Variants in SPATA18 observed in about 807,000 individuals in gnomAD.
SPATA18 encodes mitochondria-eating protein.
A neutral mutation model predicts 68.1 loss-of-function variants in SPATA18; 54 were observed. The observed-to-expected ratio is 0.79, with a 90% confidence interval of 0.64 to 0.99. The LOEUF (loss-of-function observed/expected upper bound fraction) is 0.99. SPATA18 is among the 50% of genes least tolerant of loss of function. The pLI is 0.00. For synonymous variants in SPATA18, 242 were observed against 244.8 expected (o/e 0.99, Z 0.11); for missense variants, 724 against 681.1 (o/e 1.06, Z -0.70).
At chr4:52,052,492 CA>C (rs1737983540) in intron 1 of SPATA18, among the ~76,000 whole-genome samples, 1 of 152,160 alleles carries the variant, frequency 6.6e-6, no homozygotes, top group South Asian at 2.1e-4. Flanking sequence ...CCCCTTCCCC[CA>C]AATAGAACGG....
intron 6 of SPATA18, among the ~76,000 whole-genome samples, chr4:52,074,257 C>A (rs1452830017): frequency 1.3e-5 from 2 of 152,128 alleles, no homozygotes; most frequent in African/African-American, 4.8e-5. Context: ...AAAGCCAAAG[C>A]TTTAAAGGAG....
intron 4 of SPATA18, among the ~76,000 whole-genome samples, chr4:52,062,609 C>T (rs915349944): frequency 6.6e-6 from 1 of 151,838 alleles, no homozygotes; most frequent in South Asian, 2.1e-4. Flanking sequence ...TCTTCATAGG[C>T]ACATCATCAG....
At chr4:52,053,353 C>G (rs1434614173) in intron 1 of SPATA18, among the ~76,000 whole-genome samples, 1 of 152,156 alleles carries the variant, frequency 6.6e-6, no homozygotes, top group African/African-American at 2.4e-5. Context: ...AGAGGCTGCA[C>G]TCACAGCCAC....
chr4:52,062,960 G>A (rs2109426558), intron 4 of SPATA18, among the ~76,000 whole-genome samples: 1 of 152,322 alleles, frequency 6.6e-6, no homozygotes, highest in East Asian at 1.9e-4. Flanking sequence ...GTTGTGGGCA[G>A]AGCCAGGGTA....
intron 5 of SPATA18, among the ~76,000 whole-genome samples, chr4:52,070,817 T>TA (rs772483307): frequency 1.3e-5 from 2 of 151,520 alleles, no homozygotes; most frequent in East Asian, 1.9e-4. Context: ...AGCAATCTCA[T>TA]AAAAAAATAA....
intron 9 of SPATA18, among the ~76,000 whole-genome samples, chr4:52,080,437 G>GA (rs1374912528): frequency 5.9e-5 from 9 of 152,116 alleles, no homozygotes; most frequent in African/African-American, 1.9e-4. Flanking sequence ...CTTTTGTCTA[G>GA]GACCAATAGA....
At chr4:52,084,686 T>G (rs779901381) in intron 10 of SPATA18, among the ~76,000 whole-genome samples, 4 of 152,222 alleles carry the variant, frequency 2.6e-5, no homozygotes, top group Non-Finnish European at 5.9e-5. Context: ...CACCAGAATA[T>G]CCCAAGGTTC....
At position 52,096,048 on chromosome 4, in the gene SPATA18, G is replaced by C. The variant is rs1742393049; in HGVS notation, c.*1161G>C. The stretch of plus-strand genomic sequence containing the variant: ...CTCAGCTCAGTTTTGCATAAGCTTA[G>C]TGCCAGAACCAGCACCTGATGCTTT... On this transcript the variant is annotated 3_prime_UTR_variant, in exon 13 of 13. Coordinates refer to ENST00000295213, the MANE Select transcript of SPATA18 (RefSeq NM_145263.4). 6.6e-6 allele frequency: 1 copy of C among 152,086 alleles called. No homozygotes were observed. Among genetic ancestry groups the C allele is most frequent in the Non-Finnish European group, 1.5e-5 (1 of 68,042 alleles). 9.4% of individuals were successfully genotyped at this position (152,086 alleles called of 1,614,324 possible).
chr4:52,063,021 G>A (rs1341531403), intron 4 of SPATA18, among the ~76,000 whole-genome samples: 2 of 152,186 alleles, frequency 1.3e-5, no homozygotes, highest in African/African-American at 4.8e-5. Context: ...CTTTGGGTTT[G>A]TACTTGAGGC....
intron 1 of SPATA18, among the ~76,000 whole-genome samples, chr4:52,056,163 C>T (rs575380606): frequency 6.6e-6 from 1 of 152,222 alleles, no homozygotes; most frequent in Admixed American, 6.5e-5. Flanking sequence ...TCACTCTTTC[C>T]TCTCCCTGGT....
rs1199618535 is a variant in SPATA18 at position 52,076,987 on chromosome 4, C to T, written c.967C>T (p.Arg323Cys). The T allele has an allele frequency of 4.3e-6, 7 of 1,613,188 alleles. No individual in the cohort carries two copies. Among genetic ancestry groups the T allele is most frequent in the Non-Finnish European group, 5.9e-6 (7 of 1,179,618 alleles). ...CCTGGACGCGCAGTGCCTGCTGCGG[C>T]GCTGCATCGACAAGGCTGAGACCGT... ...ARLDAQCLLR[R>C]CIDKAETVQR... is the part of the protein sequence containing the mutation. The change falls in exon 7 of 13, where the codon CGC becomes TGC. Residue 323 changes from arginine to cysteine, a missense_variant. By Grantham distance (180) the Arg-to-Cys change is radical. Coordinates refer to ENST00000295213, the MANE Select transcript of SPATA18 (RefSeq NM_145263.4).
intron 9 of SPATA18, among the ~76,000 whole-genome samples, chr4:52,080,457 A>G (rs1357051220): frequency 1.3e-5 from 2 of 152,208 alleles, no homozygotes; most frequent in Non-Finnish European, 2.9e-5. Flanking sequence ...ATTGCTACCA[A>G]CTTTTACAGG....
chr4:52,051,933 C>A, intron 1 of SPATA18, 142 bp downstream of exon 1: 6 of 740,422 alleles, frequency 8.1e-6, no homozygotes, highest in South Asian at 8.0e-5. Context: ...TCTCAGCTTT[C>A]GACCGGGATC....
chr4:52,074,572 G>C (rs567950630), intron 6 of SPATA18, among the ~76,000 whole-genome samples: 18 of 152,258 alleles, frequency 1.2e-4, no homozygotes, highest in Non-Finnish European at 1.8e-4. Context: ...GTGGTATTAG[G>C]AGTGCAAGGG....
chr4:52,087,021 G>A (rs945889726), intron 11 of SPATA18, among the ~76,000 whole-genome samples: 2 of 152,186 alleles, frequency 1.3e-5, no homozygotes, highest in South Asian at 4.1e-4. Flanking sequence ...GACCAGTGAT[G>A]ATGAGCATTT....
intron 1 of SPATA18, among the ~76,000 whole-genome samples, chr4:52,059,080 G>C (rs1284295470): frequency 6.6e-6 from 1 of 152,184 alleles, no homozygotes; most frequent in Non-Finnish European, 1.5e-5. Flanking sequence ...GGGCACTGTA[G>C]AATGCAGGGG....
intron 10 of SPATA18, among the ~76,000 whole-genome samples, chr4:52,084,128 A>C (rs897531549): frequency 6.6e-6 from 1 of 152,158 alleles, no homozygotes; most frequent in African/African-American, 2.4e-5. Flanking sequence ...CATGTTCTAC[A>C]ATAAAACATA....
intron 6 of SPATA18, among the ~76,000 whole-genome samples, chr4:52,072,802 C>A (rs541990584): frequency 6.6e-6 from 1 of 152,236 alleles, no homozygotes; most frequent in African/African-American, 2.4e-5. Context: ...TATGAGGGGT[C>A]ATTTTCTCTG....
At chr4:52,089,868 A>C (rs985752723) in intron 11 of SPATA18, among the ~76,000 whole-genome samples, 12 of 152,136 alleles carry the variant, frequency 7.9e-5, no homozygotes, top group Non-Finnish European at 1.5e-4. Flanking sequence ...GATCTGTCTA[A>C]TATTGACAGT....
Sources: allele counts gnomAD v4.1 joint callset (sites outside exome capture counted in the v4.1 genomes callset), GRCh38; gene constraint gnomAD v4.1.1; transcripts MANE v1.5; gene names NCBI Gene and HGNC (gene_info 2026-07-23, HGNC 2026-07-21).